LRRC4C: variants seen among roughly 807,000 people sequenced by gnomAD.
LRRC4C encodes the protein leucine-rich repeat-containing protein 4C.
LRRC4C carries 5 observed loss-of-function variants against 33.6 expected under a neutral mutation model. The ratio of observed to expected loss-of-function variants is 0.15; its 90% CI spans 0.08 to 0.31. LRRC4C has a LOEUF of 0.31. LRRC4C is among the 10% of genes least tolerant of loss of function. The probability of loss-of-function intolerance (pLI) is 1.00; values close to 1 mark genes in which losing one functional copy is unlikely to be tolerated. For missense variants in LRRC4C, 560 were observed against 796.7 expected, an observed-to-expected ratio of 0.70 and a Z score of 3.58; for synonymous variants, 329 against 302.0, an observed-to-expected ratio of 1.09 and a Z score of -0.93.
intron 3 of LRRC4C, among the ~76,000 whole-genome samples, chr11:40,373,004 G>C (rs964970941): frequency 6.6e-6 from 1 of 151,948 alleles, no homozygotes; most frequent in African/African-American, 2.4e-5. Flanking sequence ...ATTTGAAAAC[G>C]GAGAATTACT....
At chr11:41,386,064 C>T (rs2063039) in intron 1 of LRRC4C, among the ~76,000 whole-genome samples, 58,944 of 151,140 alleles carry the variant, frequency 0.39, 11,817 homozygotes, top group South Asian at 0.48. Context: ...AACATCTTTG[C>T]TTAGACTTTA....
At chr11:40,623,218 T>C (rs1962622999) in intron 3 of LRRC4C, among the ~76,000 whole-genome samples, 1 of 151,822 alleles carries the variant, frequency 6.6e-6, no homozygotes, top group Non-Finnish European at 1.5e-5. Flanking sequence ...TGAAAGAATA[T>C]CTTGATATGT....
At chr11:40,608,075 A>T (rs540461688) in intron 3 of LRRC4C, among the ~76,000 whole-genome samples, 106 of 152,330 alleles carry the variant, frequency 7.0e-4, no homozygotes, top group African/African-American at 2.5e-3. Flanking sequence ...TAGCTTTCTT[A>T]TAATTTAAAT....
chr11:40,176,060 A>G (rs547998021), intron 5 of LRRC4C, among the ~76,000 whole-genome samples: 160 of 152,188 alleles, frequency 1.1e-3, no homozygotes, highest in African/African-American at 3.6e-3. Context: ...CAGCAATATA[A>G]ATATATTATT....
At chr11:40,685,548 C>T (rs1489219556) in intron 2 of LRRC4C, among the ~76,000 whole-genome samples, 1 of 151,608 alleles carries the variant, frequency 6.6e-6, no homozygotes, top group Non-Finnish European at 1.5e-5. Context: ...AACTATAAAA[C>T]ACACAGAATA....
chr11:40,197,319 G>A (rs1163078250), intron 5 of LRRC4C, among the ~76,000 whole-genome samples: 1 of 151,972 alleles, frequency 6.6e-6, no homozygotes, highest in African/African-American at 2.4e-5. Context: ...TAATCAGACC[G>A]GCACTCACCT....
chr11:40,957,608 T>C (rs1286718099), intron 1 of LRRC4C, among the ~76,000 whole-genome samples: 1 of 151,736 alleles, frequency 6.6e-6, no homozygotes, highest in Non-Finnish European at 1.5e-5. Flanking sequence ...CTAAACGAAC[T>C]ATGGTTTTCT....
At chr11:40,555,830 G>A (rs538658915) in intron 3 of LRRC4C, among the ~76,000 whole-genome samples, 2 of 152,222 alleles carry the variant, frequency 1.3e-5, no homozygotes, top group Non-Finnish European at 2.9e-5. Flanking sequence ...GACAATATTT[G>A]ATTGGGTTCT....
chr11:40,952,426 A>G (rs1217828427), intron 1 of LRRC4C, among the ~76,000 whole-genome samples: 1 of 151,976 alleles, frequency 6.6e-6, no homozygotes, highest in Non-Finnish European at 1.5e-5. Flanking sequence ...CTAATTTAGA[A>G]GTTCTAACCC....
chr11:40,816,937 C>A (rs79952147), intron 2 of LRRC4C, among the ~76,000 whole-genome samples: 3,048 of 152,192 alleles, frequency 0.02, 108 homozygotes, highest in African/African-American at 0.068. Context: ...CAATAGATAT[C>A]TATAACGTAA....
intron 1 of LRRC4C, among the ~76,000 whole-genome samples, chr11:40,968,875 C>A (rs918372002): frequency 6.6e-6 from 1 of 152,120 alleles, no homozygotes; most frequent in African/African-American, 2.4e-5. Flanking sequence ...TCTCCTAACA[C>A]AACATTCATT....
intron 2 of LRRC4C, among the ~76,000 whole-genome samples, chr11:40,911,108 C>T (rs544493968): frequency 5.9e-5 from 9 of 152,190 alleles, no homozygotes; most frequent in Non-Finnish European, 1.2e-4. Context: ...TCTGTAGACT[C>T]CACCTCTGGG....
At chr11:40,494,649 A>C (rs1565444639) in intron 3 of LRRC4C, among the ~76,000 whole-genome samples, 1 of 152,274 alleles carries the variant, frequency 6.6e-6, no homozygotes, top group Non-Finnish European at 1.5e-5. Context: ...AGACATAATA[A>C]GTGGTAAATC....
intron 1 of LRRC4C, among the ~76,000 whole-genome samples, chr11:41,301,380 C>T (rs1438269462): frequency 6.6e-6 from 1 of 152,224 alleles, no homozygotes; most frequent in East Asian, 1.9e-4. Context: ...TTGCTAAAAG[C>T]TTTGTTGTCA....
At chr11:41,162,051 C>T (rs1312211129) in intron 1 of LRRC4C, among the ~76,000 whole-genome samples, 1 of 152,130 alleles carries the variant, frequency 6.6e-6, no homozygotes, top group Non-Finnish European at 1.5e-5. Context: ...GCCATTTATC[C>T]ACTCTGCACC....
intron 2 of LRRC4C, among the ~76,000 whole-genome samples, chr11:40,890,279 A>G (rs547638749): frequency 6.6e-6 from 1 of 152,328 alleles, no homozygotes; most frequent in African/African-American, 2.4e-5. Context: ...GTCCAATATC[A>G]AAGTACTGGC....
At chr11:41,337,298 G>A (rs1416877327) in intron 1 of LRRC4C, among the ~76,000 whole-genome samples, 1 of 152,096 alleles carries the variant, frequency 6.6e-6, no homozygotes, top group Non-Finnish European at 1.5e-5. Flanking sequence ...CTCCTGCCCT[G>A]ACCTCTCATA....
chr11:41,436,431 A>G (rs760004399), intron 1 of LRRC4C, among the ~76,000 whole-genome samples: 4 of 152,340 alleles, frequency 2.6e-5, no homozygotes, highest in Non-Finnish European at 5.9e-5. Context: ...ACAGGCATTC[A>G]GTACAAAACT....
At chr11:41,212,760 A>G (rs184894394) in intron 1 of LRRC4C, among the ~76,000 whole-genome samples, 10 of 152,310 alleles carry the variant, frequency 6.6e-5, no homozygotes, top group Admixed American at 5.2e-4. Flanking sequence ...ATTGAGCTCC[A>G]TTTATGTCCC....
Sources: allele counts gnomAD v4.1 joint callset (sites outside exome capture counted in the v4.1 genomes callset), GRCh38; gene constraint gnomAD v4.1.1; transcripts MANE v1.5; gene names NCBI Gene and HGNC (gene_info 2026-07-23, HGNC 2026-07-21).